Variants in DPF3 observed in about 807,000 individuals in gnomAD.
DPF3 encodes the protein zinc finger protein DPF3.
A neutral mutation model predicts 56.8 loss-of-function variants in DPF3; 18 were observed. The observed-to-expected ratio is 0.32, with a 90% confidence interval of 0.22 to 0.47. DPF3 has a LOEUF of 0.47. DPF3 is among the 20% of genes least tolerant of loss of function. The probability of loss-of-function intolerance (pLI) is 1.00; values close to 1 mark genes in which losing one functional copy is unlikely to be tolerated. For synonymous variants in DPF3, 188 were observed against 180.2 expected, an observed-to-expected ratio of 1.04 and a Z score of -0.35; for missense variants, 403 against 488.8, an observed-to-expected ratio of 0.82 and a Z score of 1.65.
chr14:72,858,308 C>CAA (rs34498163), intron 1 of DPF3, among the ~76,000 whole-genome samples: 53,721 of 119,242 alleles, frequency 0.45, 12,254 homozygotes, highest in Non-Finnish European at 0.55. Flanking sequence ...GACTCTATCT[C>CAA]AAAAAAAAAA....
At chr14:72,684,342 C>T (rs1475232622) in intron 7 of DPF3, among the ~76,000 whole-genome samples, 1 of 152,100 alleles carries the variant, frequency 6.6e-6, no homozygotes, top group Non-Finnish European at 1.5e-5. Context: ...CCACAGCCTG[C>T]TTTAGAGGCT....
At chr14:72,731,395 G>A in intron 4 of DPF3, 1 of 165,930 alleles carries the variant, frequency 6.0e-6, no homozygotes, top group Non-Finnish European at 1.2e-5. Context: ...TGTGAGGGTG[G>A]GGGGTGGGCA....
At chr14:72,757,455 A>G (rs1890886533) in intron 2 of DPF3, among the ~76,000 whole-genome samples, 1 of 152,112 alleles carries the variant, frequency 6.6e-6, no homozygotes, top group Non-Finnish European at 1.5e-5. Flanking sequence ...GCAAACAGCT[A>G]CATCCCAATC....
rs1464619217 is a variant in DPF3 at position 72,618,027 on chromosome 14, C to T, written c.*1270G>A. Reference sequence around the variant, plus strand: ...TTCCAACACACAGAGTTCTCGGAAGCTCAGCCTCCCCACCTCTTTCTTCTA... The same window carrying T: ...TTCCAACACACAGAGTTCTCGGAAGTTCAGCCTCCCCACCTCTTTCTTCTA... On this transcript the variant is annotated 3_prime_UTR_variant, in exon 11 of 11. Transcript: ENST00000556509. Among the ~76,000 whole-genome samples, 6 of 151,938 alleles carry T rather than the reference C, an allele frequency of 3.9e-5. No homozygotes were observed. The East Asian group carries it at 9.8e-4, about 25-fold the overall frequency.
intron 1 of DPF3, among the ~76,000 whole-genome samples, chr14:72,842,665 CT>C (rs1884595657): frequency 6.6e-6 from 1 of 152,124 alleles, no homozygotes; most frequent in South Asian, 2.1e-4. Context: ...CATATGTGCA[CT>C]TTTTGGTATG....
chr14:72,818,912 T>C (rs1883408528), intron 1 of DPF3, among the ~76,000 whole-genome samples: 1 of 152,230 alleles, frequency 6.6e-6, no homozygotes, highest in African/African-American at 2.4e-5. Context: ...AGTCATACAG[T>C]ATATAGATAC....
rs1885998664 is a variant in DPF3, at chr14:72,873,812, C to T, written c.32+20245G>A. Reference sequence around the variant, plus strand: ...GCTGGAAACCATCATTCTCAGCAAACTATCACAAGGACAAAAAACCAAACA... The same window carrying T: ...GCTGGAAACCATCATTCTCAGCAAATTATCACAAGGACAAAAAACCAAACA... On this transcript the variant is annotated intron_variant, in intron 1 of 10. Transcript: ENST00000556509. 2.0e-5 allele frequency among the ~76,000 whole-genome samples: 3 copies of T among 151,770 alleles called. No homozygotes were observed. The South Asian group carries it at 6.2e-4, about 32-fold the overall frequency.
At chr14:72,744,374 T>C (rs1362245438) in intron 3 of DPF3, among the ~76,000 whole-genome samples, 1 of 151,860 alleles carries the variant, frequency 6.6e-6, no homozygotes, top group Non-Finnish European at 1.5e-5. Flanking sequence ...GCGGACTTCA[T>C]TGATCCTCCT....
At chr14:72,726,388 G>A (rs147210203) in intron 4 of DPF3, among the ~76,000 whole-genome samples, 16 of 152,308 alleles carry the variant, frequency 1.1e-4, no homozygotes, top group African/African-American at 3.8e-4. Context: ...AGGCAGCTGA[G>A]CTAGTCCCCA....
chr14:72,738,426 GAC>G (rs1889989256), intron 3 of DPF3, among the ~76,000 whole-genome samples: 1 of 152,166 alleles, frequency 6.6e-6, no homozygotes, highest in African/African-American at 2.4e-5. Context: ...CCCCTAAGTA[GAC>G]ACGCCAGGAT....
rs529490732 is a variant in DPF3, at chr14:72,834,673, G to A, written c.32+59384C>T. Among the ~76,000 whole-genome samples, 229 of 151,978 alleles carry A rather than the reference G, an allele frequency of 1.5e-3. 1 individual carries two copies. Among genetic ancestry groups the A allele is most frequent in the Non-Finnish European group, 2.8e-3 (190 of 67,996 alleles). On this transcript the variant is annotated intron_variant, in intron 1 of 10. Transcript: ENST00000556509. ...AACTTCAAACACAGAGTTATTATAT[G>A]ACCCAGAAACTCCTCCCCTAGGTAT... is the stretch of plus-strand genomic sequence containing the variant.
chr14:72,871,345 A>G (rs1172356982), intron 1 of DPF3, among the ~76,000 whole-genome samples: 2 of 152,192 alleles, frequency 1.3e-5, no homozygotes, highest in African/African-American at 4.8e-5. Flanking sequence ...TTTCAGCATT[A>G]ACCCAAAAGT....
intron 1 of DPF3, among the ~76,000 whole-genome samples, chr14:72,877,431 C>T (rs538351981): frequency 6.6e-6 from 1 of 152,012 alleles, no homozygotes; most frequent in African/African-American, 2.4e-5. Flanking sequence ...AGCAGGAGCG[C>T]CTTTTGTTCT....
intron 9 of DPF3, among the ~76,000 whole-genome samples, chr14:72,620,236 A>AAGAC (rs563904163): frequency 1.4e-3 from 208 of 152,276 alleles, no homozygotes; most frequent in African/African-American, 4.6e-3. Flanking sequence ...TACCTCCTCC[A>AAGAC]AGACGCCTTC....
intron 1 of DPF3, among the ~76,000 whole-genome samples, chr14:72,893,203 C>T (rs1016626440): frequency 2.6e-5 from 4 of 152,258 alleles, no homozygotes; most frequent in Non-Finnish European, 4.4e-5. Flanking sequence ...GCTGCCCCCT[C>T]GGGCCAGGAG....
In DPF3 at chr14:72,816,054, G is replaced by A. The variant is rs867740833; in HGVS notation, c.33-44161C>T. Among the ~76,000 whole-genome samples the A allele has an allele frequency of 5.9e-4, 90 of 152,152 alleles. 1 individual carries two copies. Among genetic ancestry groups the A allele is most frequent in the Admixed American group, 4.6e-4 (7 of 15,272 alleles). Reference sequence around the variant, plus strand: ...ATCCAATATCTTACCCAAGGTCCAGGACACAGTGAAAATCATGTTCAACCC... The same window carrying A: ...ATCCAATATCTTACCCAAGGTCCAGAACACAGTGAAAATCATGTTCAACCC... On this transcript the variant is annotated intron_variant, in intron 1 of 10. Coordinates refer to ENST00000556509, the MANE Select transcript of DPF3 (RefSeq NM_001280542.3).
chr14:72,870,094 TG>T (rs1885839141), intron 1 of DPF3, among the ~76,000 whole-genome samples: 1 of 152,190 alleles, frequency 6.6e-6, no homozygotes, highest in Non-Finnish European at 1.5e-5. Flanking sequence ...CATAGGGGCC[TG>T]GTGTTTGGAA....
intron 8 of DPF3, among the ~76,000 whole-genome samples, chr14:72,648,454 G>C (rs1168139322): frequency 2.0e-5 from 3 of 151,734 alleles, no homozygotes; most frequent in African/African-American, 7.3e-5. Context: ...CCAGCTACTC[G>C]GGAGGCTGAG....
At chr14:72,670,972 T>TG in intron 8 of DPF3, 15 of 492,916 alleles carry the variant, frequency 3.0e-5, no homozygotes, top group Non-Finnish European at 5.0e-5. Context: ...AACAGAGGGG[T>TG]GGGGGGAGGG....
Sources: allele counts gnomAD v4.1 joint callset (sites outside exome capture counted in the v4.1 genomes callset), GRCh38; gene constraint gnomAD v4.1.1; transcripts MANE v1.5; gene names NCBI Gene and HGNC (gene_info 2026-07-23, HGNC 2026-07-21).